The following DLG2 variants were observed in gnomAD, a reference collection of about 807,000 sequenced individuals.
DLG2 encodes the protein disks large homolog 2.
A neutral mutation model predicts 132.5 loss-of-function variants in DLG2; 45 were observed. The observed-to-expected ratio is 0.34, with a 90% confidence interval of 0.27 to 0.44. The LOEUF (loss-of-function observed/expected upper bound fraction) is 0.44, where lower values mean the gene tolerates loss of function less well. Ranked by LOEUF, DLG2 falls within the 20% of genes least tolerant of loss-of-function variation. DLG2 has a pLI of 1.00. For synonymous variants in DLG2, 424 were observed against 419.6 expected (o/e 1.01, Z -0.13); for missense variants, 1,045 against 1,196.9 (o/e 0.87, Z 1.87).
intron 6 of DLG2, among the ~76,000 whole-genome samples, chr11:85,108,849 A>G (rs915195903): frequency 6.6e-6 from 1 of 152,120 alleles, no homozygotes; most frequent in Non-Finnish European, 1.5e-5. Flanking sequence ...ATTGAGAAAG[A>G]AGTAACATTG....
chr11:84,956,165 A>T (rs1316074740), intron 6 of DLG2, among the ~76,000 whole-genome samples: 1 of 152,196 alleles, frequency 6.6e-6, no homozygotes, highest in Admixed American at 6.6e-5. Context: ...TTACAATCCC[A>T]GACACTTAAG....
At position 83,724,476 on chromosome 11, in the gene DLG2, T is replaced by TGTGTGAGAGAGAGAGAGA. The variant is rs762050933; in HGVS notation, c.1825+62213_1825+62214insTCTCTCTCTCTCTCACAC. On this transcript the variant is annotated intron_variant, in intron 18 of 27. Transcript: ENST00000376104. Reference sequence around the variant, plus strand: ...CTCTCTCCGTGTGTGTGTGTGTGTGTGAGAGAGAGAGAGAGAGAGAGAGAG... The same window carrying TGTGTGAGAGAGAGAGAGA: ...CTCTCTCCGTGTGTGTGTGTGTGTGTGTGTGAGAGAGAGAGAGAGAGAGAGAGAGAGAGAGAGAGAGAG... Among the ~76,000 whole-genome samples, 150 of 118,204 alleles carry TGTGTGAGAGAGAGAGAGA rather than the reference T, an allele frequency of 1.3e-3. 2 individuals carry two copies. In the Middle Eastern group the frequency reaches 0.019, roughly 15 times the overall value. The allele number at this position is 118,204 out of a possible 152,430, so 77.5% of individuals were successfully genotyped here.
intron 14 of DLG2, among the ~76,000 whole-genome samples, chr11:83,946,530 C>T (rs1328506904): frequency 3.3e-5 from 5 of 152,118 alleles, no homozygotes; most frequent in South Asian, 2.1e-4. Flanking sequence ...CAATTAGACC[C>T]GCTCTTTTTG....
At chr11:85,229,578 G>A (rs552271504) in intron 4 of DLG2, among the ~76,000 whole-genome samples, 1 of 152,222 alleles carries the variant, frequency 6.6e-6, no homozygotes, top group South Asian at 2.1e-4. Context: ...AGAAGATAGT[G>A]TGGTGATTCC....
chr11:85,132,253 T>C (rs2075772796), intron 5 of DLG2, among the ~76,000 whole-genome samples: 1 of 152,204 alleles, frequency 6.6e-6, no homozygotes, highest in Non-Finnish European at 1.5e-5. Context: ...ACTCAGGGCC[T>C]TGAGATTTTT....
chr11:84,482,195 T>C (rs2099139568), intron 7 of DLG2, among the ~76,000 whole-genome samples: 2 of 152,168 alleles, frequency 1.3e-5, no homozygotes, highest in Admixed American at 1.3e-4. Context: ...ATCTTCTTTT[T>C]AAAAAGCTAA....
chr11:85,379,141 T>C (rs144895539), intron 3 of DLG2, among the ~76,000 whole-genome samples: 1 of 152,192 alleles, frequency 6.6e-6, no homozygotes, highest in South Asian at 2.1e-4. Context: ...TAACTTACAA[T>C]GAACAAGAAC....
intron 6 of DLG2, among the ~76,000 whole-genome samples, chr11:84,578,286 A>AC (rs2099508100): frequency 6.6e-6 from 1 of 152,126 alleles, no homozygotes; most frequent in Non-Finnish European, 1.5e-5. Context: ...AAAGAGGGCC[A>AC]CTGTGCTCCA....
chr11:85,399,463 G>T (rs536321944), intron 3 of DLG2, among the ~76,000 whole-genome samples: 3 of 152,054 alleles, frequency 2.0e-5, no homozygotes. Context: ...AAAAGAGCCC[G>T]CATCACCAAG....
chr11:84,384,088 G>C (rs1334705850), intron 7 of DLG2, among the ~76,000 whole-genome samples: 1 of 136,686 alleles, frequency 7.3e-6, no homozygotes, highest in Non-Finnish European at 1.5e-5. Context: ...GGAAGCTCTC[G>C]ATGACGCTTT....
chr11:85,167,897 T>C (rs540810053), intron 4 of DLG2, among the ~76,000 whole-genome samples: 2 of 152,262 alleles, frequency 1.3e-5, no homozygotes, highest in East Asian at 3.9e-4. Context: ...TACCATTTTA[T>C]AGACTACTTC....
chr11:83,741,928 C>A (rs1019903752), intron 18 of DLG2, among the ~76,000 whole-genome samples: 11 of 151,936 alleles, frequency 7.2e-5, no homozygotes, highest in Non-Finnish European at 1.5e-5. Flanking sequence ...GAACCTTTCC[C>A]TGACATTCTA....
chr11:84,885,124 G>A (rs891623409), intron 6 of DLG2, among the ~76,000 whole-genome samples: 1 of 151,990 alleles, frequency 6.6e-6, no homozygotes, highest in African/African-American at 2.4e-5. Context: ...AGAAGGTTGA[G>A]GACTACTGTA....
chr11:83,786,936 C>T, intron 17 of DLG2, 144 bp from the exon 18 acceptor site: 1 of 622,242 alleles, frequency 1.6e-6, no homozygotes, highest in Non-Finnish European at 2.8e-6. Flanking sequence ...TGTTTGTGGA[C>T]TTTCATGATC....
intron 3 of DLG2, among the ~76,000 whole-genome samples, chr11:85,508,205 A>T (rs2093978762): frequency 6.6e-6 from 1 of 151,954 alleles, no homozygotes; most frequent in African/African-American, 2.4e-5. Flanking sequence ...AAGCTTACTT[A>T]TGTCAACTCG....
intron 21 of DLG2, among the ~76,000 whole-genome samples, chr11:83,490,705 G>A (rs549331927): frequency 4.6e-5 from 7 of 151,872 alleles, no homozygotes; most frequent in Non-Finnish European, 8.8e-5. Context: ...GCCTCCTGAT[G>A]GAAAACACTG....
intron 6 of DLG2, among the ~76,000 whole-genome samples, chr11:85,081,572 C>A (rs746527364): frequency 2.6e-5 from 4 of 152,134 alleles, no homozygotes; most frequent in African/African-American, 9.7e-5. Flanking sequence ...TCAAAGTAGA[C>A]GCTTAATGTC....
intron 14 of DLG2, among the ~76,000 whole-genome samples, chr11:83,955,028 A>G (rs549004869): frequency 1.4e-3 from 208 of 152,322 alleles, no homozygotes; most frequent in African/African-American, 4.9e-3. Flanking sequence ...TAATTTGAGG[A>G]TATTTGCCAA....
intron 6 of DLG2, among the ~76,000 whole-genome samples, chr11:84,662,175 G>A (rs1296270682): frequency 2.1e-5 from 3 of 145,290 alleles, no homozygotes; most frequent in African/African-American, 7.6e-5. Flanking sequence ...CTTAGAGTCA[G>A]TTTCTTTGTA....
Sources: allele counts gnomAD v4.1 joint callset (sites outside exome capture counted in the v4.1 genomes callset), GRCh38; gene constraint gnomAD v4.1.1; transcripts MANE v1.5; gene names NCBI Gene and HGNC (gene_info 2026-07-23, HGNC 2026-07-21).